The following ANKRD46 variants were observed in gnomAD, a reference collection of about 807,000 sequenced individuals.
ANKRD46 encodes ankyrin repeat domain-containing protein 46.
Under a neutral mutation model 19.8 loss-of-function variants are expected in ANKRD46, and 13 were observed. The observed-to-expected ratio is 0.66, with a 90% CI of 0.43 to 1.04. The LOEUF (loss-of-function observed/expected upper bound fraction) is 1.04, where lower values mean the gene tolerates loss of function less well. Among genes scored for constraint, ANKRD46 ranks in the 50% least tolerant of loss-of-function variants. The probability of loss-of-function intolerance (pLI) is 0.00; values close to 1 mark genes in which losing one functional copy is unlikely to be tolerated. For synonymous variants in ANKRD46, 91 were observed against 106.9 expected (o/e 0.85, Z 0.92); for missense variants, 185 against 274.8 (o/e 0.67, Z 2.31).
Position 100,510,575 on chromosome 8 carries a change from G to C in ANKRD46, c.*2C>G. 1 of 1,535,452 alleles carries C rather than the reference G, an allele frequency of 6.5e-7. No individual in the cohort carries two copies. On this transcript the variant is annotated 3_prime_UTR_variant, in exon 6 of 6. Transcript: ENST00000520552. The surrounding 1 kb of genome is among the most constrained non-coding windows in gnomAD (Gnocchi z 4.9). ...CAGGAGCACAGGACACTGACCTAGA[G>C]ATTAGATGGCCTGGATTCGGCTTCT...
In ANKRD46 at chr8:100,545,354, T is replaced by C. The variant is rs1812252158; in HGVS notation, c.-130-12043A>G. Among the ~76,000 whole-genome samples, 1 of 152,142 alleles carries C rather than the reference T, an allele frequency of 6.6e-6. No homozygotes were observed. Among genetic ancestry groups the C allele is most frequent in the East Asian group, 1.9e-4 (1 of 5,188 alleles). On this transcript the variant is annotated intron_variant, in intron 1 of 4. Transcript: ENST00000335659. This position sits in a 1 kb window ranked among gnomAD's most constrained non-coding sequence, Gnocchi z 4.7. ...TGGAGCATGGGGGTGGTTACCCCCA[T>C]GCTGTTCTCATGATAGTGAGGGAGG... is the stretch of plus-strand genomic sequence containing the variant.
chr8:100,523,052 G>A (rs189320375), intron 4 of ANKRD46, among the ~76,000 whole-genome samples: 5 of 152,130 alleles, frequency 3.3e-5, no homozygotes, highest in Admixed American at 2.6e-4. Context: ...TCCTGGCTGG[G>A]CGTGGTAGCT....
intron 1 of ANKRD46, among the ~76,000 whole-genome samples, chr8:100,558,256 C>T (rs1310249532): frequency 6.6e-6 from 1 of 152,094 alleles, no homozygotes; most frequent in African/African-American, 2.4e-5. Flanking sequence ...ATATAACATG[C>T]CAAAAATTCC....
At position 100,540,344 on chromosome 8, in the gene ANKRD46, G is replaced by A. The variant is rs369771200; in HGVS notation, c.-130-7033C>T. Among the ~76,000 whole-genome samples, 10 of 152,272 alleles carry A rather than the reference G, an allele frequency of 6.6e-5. 1 individual carries two copies. Among genetic ancestry groups the A allele is most frequent in the South Asian group, 2.1e-4 (1 of 4,824 alleles). On this transcript the variant is annotated intron_variant, in intron 1 of 4. Coordinates refer to ENST00000335659, the MANE Select transcript of ANKRD46 (RefSeq NM_001270377.2). ...TACAATCATTTCATTCAAAGTGAAC[G>A]TCTTCTTAAACTGTAGAAACAATAC...
At position 100,555,273 on chromosome 8, in the gene ANKRD46, C is replaced by A. The variant is rs550598822; in HGVS notation, c.-131+4438G>T. On this transcript the variant is annotated intron_variant, in intron 1 of 4. Coordinates refer to ENST00000335659, the MANE Select transcript of ANKRD46 (RefSeq NM_001270377.2). Reference sequence around the variant, plus strand: ...TCATTTTTAAAGGATAAAAAAAAAACCAAAAGAAAGTCAACATGGAGTCAG... The same window carrying A: ...TCATTTTTAAAGGATAAAAAAAAAAACAAAAGAAAGTCAACATGGAGTCAG... Among the ~76,000 whole-genome samples the A allele has an allele frequency of 2.4e-4, 35 of 145,938 alleles. No homozygotes were observed. In the South Asian group the frequency reaches 3.9e-3, roughly 16 times the overall value.
At chr8:100,553,243 T>G (rs2130708006) in intron 1 of ANKRD46, among the ~76,000 whole-genome samples, 1 of 152,338 alleles carries the variant, frequency 6.6e-6, no homozygotes, top group South Asian at 2.1e-4. Context: ...CAGTTTTTGT[T>G]GTGTTTAAAA....
At position 100,546,760 on chromosome 8, in the gene ANKRD46, G is replaced by A. The variant is rs1280828284; in HGVS notation, c.-131+12951C>T. On this transcript the variant is annotated intron_variant, in intron 1 of 4. Coordinates refer to ENST00000335659, the MANE Select transcript of ANKRD46 (RefSeq NM_001270377.2). The surrounding 1 kb of genome is among the most constrained non-coding windows in gnomAD (Gnocchi z 4.0). ...GAAAAGCCACAAGCATTTAATGCCA[G>A]CCCATGAAAGCAGCCACAGGGACAA... Among the ~76,000 whole-genome samples the A allele has an allele frequency of 6.6e-6, 1 of 152,216 alleles. No individual in the cohort carries two copies. The highest frequency in any genetic ancestry group is 1.5e-5 in the Non-Finnish European group (1 of 68,038).
intron 1 of ANKRD46, among the ~76,000 whole-genome samples, chr8:100,548,417 A>G (rs1027816318): frequency 1.3e-5 from 2 of 152,090 alleles, no homozygotes; most frequent in Non-Finnish European, 2.9e-5. Flanking sequence ...CTCAGCTCAA[A>G]TGTCACCTAC....
At chr8:100,556,200 T>C (rs147577957) in intron 1 of ANKRD46, among the ~76,000 whole-genome samples, 5 of 152,204 alleles carry the variant, frequency 3.3e-5, no homozygotes, top group African/African-American at 1.2e-4. Context: ...TTAAAGTTTT[T>C]TGTAGAGATG....
intron 1 of ANKRD46, among the ~76,000 whole-genome samples, chr8:100,555,654 C>A (rs1389500744): frequency 8.1e-6 from 1 of 123,396 alleles, no homozygotes; most frequent in African/African-American, 3.0e-5. Flanking sequence ...GAGAGCCAAC[C>A]AATGAAAAAT....
At position 100,544,450 on chromosome 8, in the gene ANKRD46, G is replaced by A. The variant is rs147188278; in HGVS notation, c.-130-11139C>T. Among the ~76,000 whole-genome samples the A allele has an allele frequency of 4.6e-5, 7 of 152,294 alleles. No individual in the cohort carries two copies. Among genetic ancestry groups the A allele is most frequent in the South Asian group, 2.1e-4 (1 of 4,816 alleles). ...GCTAACCCCAAAGTACAACTTGCTCGTACTCTAGACAAGGCTGAAGCAAGG... is the reference window on the plus strand; with the variant it reads ...GCTAACCCCAAAGTACAACTTGCTCATACTCTAGACAAGGCTGAAGCAAGG... On this transcript the variant is annotated intron_variant, in intron 1 of 4. Transcript: ENST00000335659. This position sits in a 1 kb window ranked among gnomAD's most constrained non-coding sequence, Gnocchi z 4.4.
At chr8:100,538,273 C>T (rs1466386352) in intron 1 of ANKRD46, among the ~76,000 whole-genome samples, 1 of 151,772 alleles carries the variant, frequency 6.6e-6, no homozygotes, top group Non-Finnish European at 1.5e-5. Flanking sequence ...ACACAATCAA[C>T]CATGAATCAA....
In ANKRD46 at chr8:100,545,829, ACT is replaced by A. The variant is rs1812262832; in HGVS notation, c.-130-12520_-130-12519del. Among the ~76,000 whole-genome samples, 2 of 152,136 alleles carry A rather than the reference ACT, an allele frequency of 1.3e-5. No individual in the cohort carries two copies. Among genetic ancestry groups the A allele is most frequent in the South Asian group, 4.1e-4 (2 of 4,828 alleles). ...AGGTGGTCTCAGAAAGAGATGAGGG[ACT>A]TTTTGGGAACTGGAGTAAAGGTCAC... On this transcript the variant is annotated intron_variant, in intron 1 of 4. Coordinates refer to ENST00000335659, the MANE Select transcript of ANKRD46 (RefSeq NM_001270377.2). This position sits in a 1 kb window ranked among gnomAD's most constrained non-coding sequence, Gnocchi z 4.7.
At chr8:100,547,088 T>C (rs1443313709) in intron 1 of ANKRD46, among the ~76,000 whole-genome samples, 1 of 152,202 alleles carries the variant, frequency 6.6e-6, no homozygotes, top group Non-Finnish European at 1.5e-5. Context: ...TTTAGGTTAA[T>C]ACTGGAATGA....
Position 100,510,029 on chromosome 8 carries a change from G to C in ANKRD46, c.*548C>G, listed in dbSNP as rs887925140. On this transcript the variant is annotated 3_prime_UTR_variant, in exon 6 of 6. Transcript: ENST00000520552. This position sits in a 1 kb window ranked among gnomAD's most constrained non-coding sequence, Gnocchi z 4.9. Reference sequence around the variant, plus strand: ...GGGAGTGAAGGGGCTCAGCCTTAGGGGCGGGAAGTCTTTTCTTCCACCCAA... The same window carrying C: ...GGGAGTGAAGGGGCTCAGCCTTAGGCGCGGGAAGTCTTTTCTTCCACCCAA... 3.9e-5 allele frequency: 6 copies of C among 152,528 alleles called. No homozygotes were observed. Among genetic ancestry groups the C allele is most frequent in the Non-Finnish European group, 5.9e-5 (4 of 68,282 alleles). 9.4% of individuals were successfully genotyped at this position (152,528 alleles called of 1,614,324 possible).
Position 100,543,349 on chromosome 8 carries a change from G to A in ANKRD46, c.-130-10038C>T, listed in dbSNP as rs1249096595. On this transcript the variant is annotated intron_variant, in intron 1 of 4. Coordinates refer to ENST00000335659, the MANE Select transcript of ANKRD46 (RefSeq NM_001270377.2). The surrounding 1 kb of genome is among the most constrained non-coding windows in gnomAD (Gnocchi z 4.2). Reference sequence around the variant, plus strand: ...AAAACCATTTAATATTTTGCGATTTGTTCTATAACAAATACTAAGGAAACT... The same window carrying A: ...AAAACCATTTAATATTTTGCGATTTATTCTATAACAAATACTAAGGAAACT... Among the ~76,000 whole-genome samples, 1 of 152,026 alleles carries A rather than the reference G, an allele frequency of 6.6e-6. No individual in the cohort carries two copies. The highest frequency in any genetic ancestry group is 1.9e-4 in the East Asian group (1 of 5,196).
chr8:100,538,826 A>ATCCT (rs1384062457), intron 1 of ANKRD46, among the ~76,000 whole-genome samples: 18 of 152,318 alleles, frequency 1.2e-4, no homozygotes, highest in African/African-American at 4.1e-4. Flanking sequence ...TGCTCTTAGG[A>ATCCT]GAGTACCACA....
rs35216029 is a variant in ANKRD46, at chr8:100,514,617, C to CT, written c.637-3979dup. ...TGAGTGTGGGTTATTCCTCCATCTT[C>CT]TTTTTTTTTTTTTTTTTTTTTTGAG... On this transcript the variant is annotated intron_variant, in intron 5 of 5. Coordinates refer to the ANKRD46 transcript ENST00000520552. Among the ~76,000 whole-genome samples the CT allele has an allele frequency of 1.1e-3, 78 of 74,056 alleles. 3 individuals carry two copies. The highest frequency in any genetic ancestry group is 4.8e-3 in the South Asian group (10 of 2,072). The allele number at this position is 74,056 out of a possible 152,430, so 48.6% of individuals were successfully genotyped here.
At position 100,527,532 on chromosome 8, in the gene ANKRD46, A is replaced by T. The variant is rs731083; in HGVS notation, c.470+313T>A. Among the ~76,000 whole-genome samples the T allele has an allele frequency of 9.3e-3, 1,413 of 152,298 alleles. 8 individuals carry two copies. Among genetic ancestry groups the T allele is most frequent in the Non-Finnish European group, 0.013 (890 of 68,022 alleles). On this transcript the variant is annotated intron_variant, in intron 4 of 4. Transcript: ENST00000335659. This position sits in a 1 kb window ranked among gnomAD's most constrained non-coding sequence, Gnocchi z 4.0. ...GTACTGTCAATACAGCAGGTGGCTA[A>T]CAGAACATTATGCGCACATGACATG...
Sources: allele counts gnomAD v4.1 joint callset (sites outside exome capture counted in the v4.1 genomes callset), GRCh38; gene constraint gnomAD v4.1.1; non-coding constraint Gnocchi (gnomAD v3.1); transcripts MANE v1.5; gene names NCBI Gene and HGNC (gene_info 2026-07-23, HGNC 2026-07-21).